The following SLC36A1 variants were observed in gnomAD, a reference collection of about 807,000 sequenced individuals.
SLC36A1 encodes the protein solute carrier family 36 member 1.
SLC36A1 carries 30 observed loss-of-function variants against 47.5 expected under a neutral mutation model. The observed-to-expected ratio is 0.63, with a 90% CI of 0.47 to 0.86. SLC36A1 has a LOEUF of 0.86. SLC36A1 is among the 40% of genes least tolerant of loss of function. SLC36A1 has a pLI of 0.00. For missense variants in SLC36A1, 517 were observed against 606.0 expected, an observed-to-expected ratio of 0.85 and a Z score of 1.54; for synonymous variants, 255 against 249.7, an observed-to-expected ratio of 1.02 and a Z score of -0.20.
chr5:151,475,401 C>T (rs1757908336), intron 8 of SLC36A1, among the ~76,000 whole-genome samples: 1 of 152,132 alleles, frequency 6.6e-6, no homozygotes, highest in Non-Finnish European at 1.5e-5. Flanking sequence ...TTCAAGATTT[C>T]TTTGTATTTC....
At chr5:151,480,179 G>C (rs753032866) in intron 10 of SLC36A1, 69 of 842,976 alleles carry the variant, frequency 8.2e-5, no homozygotes, top group South Asian at 3.7e-4. Flanking sequence ...GAACCCCTGA[G>C]CAAATCGGTT....
the SLC36A1 span, among the ~76,000 whole-genome samples, chr5:151,357,538 G>C: frequency 1.3e-5 from 2 of 152,210 alleles, no homozygotes; most frequent in African/African-American, 2.4e-5. Context: ...CTAAAGCAGG[G>C]GTTAGTAAAC....
the SLC36A1 span, among the ~76,000 whole-genome samples, chr5:151,524,672 A>G: frequency 1.3e-5 from 2 of 152,308 alleles, no homozygotes; most frequent in East Asian, 3.9e-4. Flanking sequence ...ACAGTCATCC[A>G]AGCCACAAGG....
At chr5:151,433,239 TATATATATATATATATATATATATATA>T (rs1441218665), upstream of SLC36A1, among the ~76,000 whole-genome samples, 39 of 10,208 alleles carry the variant, frequency 3.8e-3, no homozygotes, top group Non-Finnish European at 6.6e-3. Flanking sequence ...TATATATATA[TATATATATATATATATATATATATATA>T]TTTTTTTTTT....
chr5:151,440,529 A>G (rs1305631765), intron 1 of SLC36A1, among the ~76,000 whole-genome samples: 1 of 151,582 alleles, frequency 6.6e-6, no homozygotes, highest in Non-Finnish European at 1.5e-5. Context: ...GGTTGCTATG[A>G]CATCTCAGGG....
chr5:151,347,292 C>G, the SLC36A1 span: 1 of 1,614,204 alleles, frequency 6.2e-7, no homozygotes, highest in East Asian at 2.2e-5. Context: ...GAAAACAGCA[C>G]TCACGTTATG....
the SLC36A1 span, among the ~76,000 whole-genome samples, chr5:151,353,412 ATTC>A: frequency 6.6e-6 from 1 of 152,206 alleles, no homozygotes; most frequent in Admixed American, 6.5e-5. Context: ...GTGATAGACT[ATTC>A]TTTTAGAGCA....
the SLC36A1 span, among the ~76,000 whole-genome samples, chr5:151,516,883 A>G: frequency 1.4e-4 from 21 of 152,258 alleles, no homozygotes; most frequent in African/African-American, 4.6e-4. Flanking sequence ...AGGCAGGCGG[A>G]TCACCTGAGG....
chr5:151,500,131 G>A, the SLC36A1 span, among the ~76,000 whole-genome samples: 3 of 152,020 alleles, frequency 2.0e-5, no homozygotes, highest in African/African-American at 4.8e-5. Flanking sequence ...AGCCTGTTCC[G>A]TTGCACTTGC....
chr5:151,403,281 T>A, the SLC36A1 span, among the ~76,000 whole-genome samples: 1 of 152,178 alleles, frequency 6.6e-6, no homozygotes, highest in Non-Finnish European at 1.5e-5. Flanking sequence ...TGGTTTGGAT[T>A]TGTGTCCCCA....
the SLC36A1 span, among the ~76,000 whole-genome samples, chr5:151,520,214 C>T: frequency 0.13 from 20,301 of 152,244 alleles, 1,753 homozygotes; most frequent in Non-Finnish European, 0.18. Context: ...CAGGCAGGAG[C>T]GCTGGTGAGC....
chr5:151,511,996 G>T, the SLC36A1 span: 1 of 625,792 alleles, frequency 1.6e-6, no homozygotes, highest in Admixed American at 3.0e-5. Flanking sequence ...AAGACTCCTG[G>T]CTTCCCCTAG....
chr5:151,505,904 T>A, the SLC36A1 span: 10 of 1,592,070 alleles, frequency 6.3e-6, no homozygotes, highest in African/African-American at 1.4e-5. Flanking sequence ...GTGGGAGAGG[T>A]GCCCGCTTGT....
chr5:151,522,261 A>G, the SLC36A1 span: 1 of 562,400 alleles, frequency 1.8e-6, no homozygotes. Context: ...GCACTGACAG[A>G]AAAGAAAGAT....
At chr5:151,345,606 C>T in the SLC36A1 span, among the ~76,000 whole-genome samples, 2 of 151,996 alleles carry the variant, frequency 1.3e-5, no homozygotes, top group Middle Eastern at 3.4e-3. Flanking sequence ...GTGTCCACAT[C>T]GCTGACCGAG....
At chr5:151,426,349 C>T in the SLC36A1 span, among the ~76,000 whole-genome samples, 1 of 151,924 alleles carries the variant, frequency 6.6e-6, no homozygotes, top group African/African-American at 2.4e-5. Flanking sequence ...ACTATCTCTC[C>T]TATCTCGGTG....
the SLC36A1 span, among the ~76,000 whole-genome samples, chr5:151,523,528 T>C: frequency 6.6e-6 from 1 of 152,172 alleles, no homozygotes; most frequent in Non-Finnish European, 1.5e-5. Context: ...TGTGTTTTTC[T>C]TTGCTGGCCT....
chr5:151,546,269 G>T, the SLC36A1 span: 1 of 1,614,120 alleles, frequency 6.2e-7, no homozygotes, highest in Non-Finnish European at 8.5e-7. Context: ...TGATTTGCCT[G>T]ATCAAGCTTT....
intron 1 of SLC36A1, among the ~76,000 whole-genome samples, chr5:151,442,238 A>G (rs1752671031): frequency 6.6e-6 from 1 of 152,222 alleles, no homozygotes; most frequent in East Asian, 1.9e-4. Flanking sequence ...AATTGTAACT[A>G]TAGTGAAGTG....
Sources: gnomAD v4.1 joint callset for allele counts (sites outside exome capture counted in the v4.1 genomes callset) on GRCh38, gnomAD v4.1.1 for gene constraint, MANE v1.5 for transcripts, NCBI Gene and HGNC (gene_info 2026-07-23, HGNC 2026-07-21) for gene names.